CFAP44: variants seen among roughly 807,000 people sequenced by gnomAD.
The protein encoded by CFAP44 is cilia- and flagella-associated protein 44.
In CFAP44, 134 loss-of-function variants were observed where a neutral mutation model predicts 216.2. The observed-to-expected ratio is 0.62, with a 90% confidence interval of 0.54 to 0.72. The LOEUF (loss-of-function observed/expected upper bound fraction) is 0.72, where lower values mean the gene tolerates loss of function less well. CFAP44 is among the 30% of genes least tolerant of loss of function. CFAP44 has a pLI of 0.00. For synonymous variants in CFAP44, 700 were observed against 727.6 expected (o/e 0.96, Z 0.61); for missense variants, 2,035 against 2,182.1 (o/e 0.93, Z 1.34).
intron 5 of CFAP44, among the ~76,000 whole-genome samples, chr3:113,419,186 C>T (rs1202467456): frequency 2.0e-5 from 3 of 152,184 alleles, no homozygotes; most frequent in Admixed American, 1.3e-4. Context: ...CTCCTGAAAC[C>T]TCATAGGCTC....
At chr3:113,413,655 G>A (rs1184414869) in intron 6 of CFAP44, among the ~76,000 whole-genome samples, 2 of 152,110 alleles carry the variant, frequency 1.3e-5, no homozygotes, top group Non-Finnish European at 2.9e-5. Context: ...GTTTTTGTCA[G>A]GTTTGCCAAA....
rs1481234681 is a variant in CFAP44, at chr3:113,287,419, A to G, written c.*4138T>C. ...ATATCTCTGTAAAAACAAACACTGT[A>G]ACTTCTAAATAAATGTTTAGTCTTC... On this transcript the variant is annotated 3_prime_UTR_variant, in exon 35 of 35. Transcript: ENST00000393845. The G allele has an allele frequency of 1.3e-5, 2 of 156,236 alleles. No individual in the cohort carries two copies. The highest frequency in any genetic ancestry group is 1.9e-4 in the South Asian group (1 of 5,276). The allele number at this position is 156,236 out of a possible 1,614,324, so 9.7% of individuals were successfully genotyped here. A position where few individuals can be genotyped will look rare whatever the true frequency, so the allele number is the denominator to read the frequency against.
In CFAP44 at chr3:113,291,611, G is replaced by C. The variant is rs201665444; in HGVS notation, c.5511C>G (p.Ile1837Met). 6.5e-7 allele frequency: 1 copy of C among 1,537,182 alleles called. No individual in the cohort carries two copies. Among genetic ancestry groups the C allele is most frequent in the East Asian group, 2.4e-5 (1 of 40,914 alleles). ...IALLRRKGSL[I>M]LPPIQSPREK... is the part of the protein sequence containing the mutation. The stretch of plus-strand genomic sequence containing the variant: ...CTCGTGGAGACTGAATGGGTGGGAG[G>C]ATAAGACTGCCTTTCCTACGCAAAA... Residue 1837 changes from isoleucine (I) to methionine (M), a missense_variant, in exon 35 of 35, where the codon ATC (isoleucine) becomes ATG (methionine). This residue lies in a region of CFAP44 where 1,883 missense variants were observed against 2,023.7 expected (regional missense o/e 0.93). Transcript: ENST00000393845.
intron 15 of CFAP44, among the ~76,000 whole-genome samples, chr3:113,381,661 T>C (rs149018684): frequency 2.6e-5 from 4 of 152,360 alleles, no homozygotes; most frequent in Non-Finnish European, 4.4e-5. Context: ...TTCAAAACCA[T>C]GCATTTAATC....
chr3:113,298,466 C>T (rs1020845733), intron 32 of CFAP44, among the ~76,000 whole-genome samples: 1 of 152,180 alleles, frequency 6.6e-6, no homozygotes, highest in African/African-American at 2.4e-5. Context: ...ATGGTCCAGC[C>T]ATATATCCCA....
At chr3:113,320,246 C>CTCTCTCTCAA (rs1313559362) in intron 28 of CFAP44, among the ~76,000 whole-genome samples, 1 of 147,682 alleles carries the variant, frequency 6.8e-6, no homozygotes. Flanking sequence ...CTCTCTCTCT[C>CTCTCTCTCAA]TCTCTCTCAA....
chr3:113,302,064 T>C (rs1351250359), intron 32 of CFAP44, among the ~76,000 whole-genome samples: 1 of 152,174 alleles, frequency 6.6e-6, no homozygotes, highest in Non-Finnish European at 1.5e-5. Context: ...TAACATATTG[T>C]CTTCCAAGTT....
Position 113,350,274 on chromosome 3 carries a change from G to A in CFAP44, c.3066-5562C>T, listed in dbSNP as rs1275786348. On this transcript the variant is annotated intron_variant, in intron 22 of 34. Coordinates refer to ENST00000393845, the MANE Select transcript of CFAP44 (RefSeq NM_001164496.2). ...AGAGAAGGAAAGAGAGGAAGAGACAGACAAAGAAGGAGTCAGAGAGGAAGA... is the reference window on the plus strand; with the variant it reads ...AGAGAAGGAAAGAGAGGAAGAGACAAACAAAGAAGGAGTCAGAGAGGAAGA... 2.0e-5 allele frequency among the ~76,000 whole-genome samples: 3 copies of A among 151,906 alleles called. No homozygotes were observed. In the East Asian group the frequency reaches 5.8e-4, roughly 29 times the overall value.
chr3:113,417,898 G>A (rs778591889), intron 5 of CFAP44, among the ~76,000 whole-genome samples: 2 of 152,314 alleles, frequency 1.3e-5, no homozygotes, highest in South Asian at 2.1e-4. Context: ...GAAATATGGT[G>A]TAGAACATAT....
chr3:113,350,635 C>T (rs1950435480), intron 22 of CFAP44, among the ~76,000 whole-genome samples: 1 of 152,318 alleles, frequency 6.6e-6, no homozygotes, highest in East Asian at 1.9e-4. Context: ...ACTGACAACC[C>T]GTAGCCTTCC....
intron 5 of CFAP44, among the ~76,000 whole-genome samples, chr3:113,418,596 ACTACCCAGG>A (rs1934717549): frequency 6.6e-6 from 1 of 152,230 alleles, no homozygotes; most frequent in Non-Finnish European, 1.5e-5. Context: ...GGCCTCTGTC[ACTACCCAGG>A]CTTCAACAGC....
chr3:113,362,027 C>A (rs543362407), intron 21 of CFAP44, among the ~76,000 whole-genome samples: 6 of 151,742 alleles, frequency 4.0e-5, no homozygotes, highest in East Asian at 2.0e-4. Flanking sequence ...AGGATAACTG[C>A]CACCAGAGCT....
chr3:113,372,949 T>C lies in CFAP44; in HGVS notation c.2444+462A>G, dbSNP rs145838773. ...AAGCCACCTAGTCTGTGGTGTTTTA[T>C]TGTGGCAGCCCTAGCAAACTAATAC... is the stretch of plus-strand genomic sequence containing the variant. On this transcript the variant is annotated intron_variant, in intron 18 of 34. Transcript: ENST00000393845. Among the ~76,000 whole-genome samples the C allele has an allele frequency of 2.8e-3, 431 of 152,304 alleles. 3 individuals are homozygous for C. Among genetic ancestry groups the C allele is most frequent in the African/African-American group, 8.6e-3 (359 of 41,572 alleles).
At chr3:113,313,395 C>G (rs1048442253) in intron 28 of CFAP44, among the ~76,000 whole-genome samples, 1 of 152,102 alleles carries the variant, frequency 6.6e-6, no homozygotes, top group African/African-American at 2.4e-5. Context: ...TTTACAGGCT[C>G]ATAGACAGAA....
chr3:113,319,473 C>G (rs1428210491), intron 28 of CFAP44, among the ~76,000 whole-genome samples: 1 of 152,130 alleles, frequency 6.6e-6, no homozygotes, highest in Non-Finnish European at 1.5e-5. Flanking sequence ...CTTAGACAAC[C>G]ACACAATAAT....
chr3:113,416,618 G>A lies in CFAP44; in HGVS notation c.580C>T (p.His194Tyr), dbSNP rs1464264479. Residue 194 changes from histidine to tyrosine, a missense_variant, in exon 6 of 35, where the codon CAT becomes TAT. Around this residue, in one of 3 missense-constraint regions of CFAP44, gnomAD observed 1,883 missense variants for 2,023.7 expected, o/e 0.93. Transcript: ENST00000393845. ...TCAGCTACTGTGAAATAAGTTTTAT[G>A]TGGATGAACCTACAAAAGATAAAAT... ...EGIGVIGVHP[H>Y]KTYFTVAEKG... 1.2e-6 allele frequency: 2 copies of A among 1,605,920 alleles called. No homozygotes were observed. The highest frequency in any genetic ancestry group is 1.7e-6 in the Non-Finnish European group (2 of 1,175,288).
chr3:113,403,736 G>A, intron 9 of CFAP44, 116 bp downstream of exon 9: 1 of 1,125,528 alleles, frequency 8.9e-7, no homozygotes, highest in South Asian at 2.3e-5. Context: ...GTTGGCCTTG[G>A]GAGTAAATGA....
intron 15 of CFAP44, among the ~76,000 whole-genome samples, chr3:113,381,828 A>G (rs529070682): frequency 1.3e-5 from 2 of 152,336 alleles, no homozygotes; most frequent in South Asian, 2.1e-4. Flanking sequence ...AAAACATATA[A>G]TATCTGCCAT....
intron 28 of CFAP44, among the ~76,000 whole-genome samples, chr3:113,323,844 C>G (rs1241540045): frequency 6.6e-6 from 1 of 152,018 alleles, no homozygotes; most frequent in Non-Finnish European, 1.5e-5. Context: ...GAGATCAAGA[C>G]CATCCTGGCC....
Sources: allele counts gnomAD v4.1 joint callset (sites outside exome capture counted in the v4.1 genomes callset), GRCh38; gene constraint gnomAD v4.1.1; regional missense constraint gnomAD v4.1.1; transcripts MANE v1.5; gene names NCBI Gene and HGNC (gene_info 2026-07-23, HGNC 2026-07-21).